ADPRM: variants seen among roughly 807,000 people sequenced by gnomAD.
The protein encoded by ADPRM is manganese-dependent ADP-ribose/CDP-alcohol diphosphatase.
ADPRM carries 17 observed loss-of-function variants against 27.2 expected under a neutral mutation model. That is an observed-to-expected ratio of 0.63 (90% confidence interval 0.43 to 0.94). ADPRM has a LOEUF of 0.94. Ranked by LOEUF, ADPRM falls within the 40% of genes least tolerant of loss-of-function variation. The pLI, the probability that ADPRM is intolerant of heterozygous loss-of-function variation, is 0.00. For synonymous variants in ADPRM, 135 were observed against 145.3 expected, an observed-to-expected ratio of 0.93 and a Z score of 0.51; for missense variants, 337 against 412.8, an observed-to-expected ratio of 0.82 and a Z score of 1.59.
intron 1 of ADPRM, among the ~76,000 whole-genome samples, chr17:10,699,523 T>C (rs867854949): frequency 1.1e-4 from 15 of 142,660 alleles, no homozygotes; most frequent in Non-Finnish European, 2.0e-4. Context: ...TCTTTCTTTT[T>C]TTTTTTTTTT....
In ADPRM at chr17:10,711,496, C is replaced by G. The variant is rs957551937; in HGVS notation, c.*352C>G. Among the ~76,000 whole-genome samples, 1 of 152,188 alleles carries G rather than the reference C, an allele frequency of 6.6e-6. No individual in the cohort carries two copies. Among genetic ancestry groups the G allele is most frequent in the African/African-American group, 2.4e-5 (1 of 41,430 alleles). On this transcript the variant is annotated 3_prime_UTR_variant, in exon 4 of 4. Coordinates refer to ENST00000379774, the MANE Select transcript of ADPRM (RefSeq NM_020233.5). ...TGTAACTTCAAGTTCAGCATATAAG[C>G]TCAGGTAAGCTTTTTCTATTCACCC...
Position 10,705,194 on chromosome 17 carries a change from C to A in ADPRM, c.268C>A (p.Leu90Ile). ...ACAGTATAATGCATCCAAAAAGTCC[C>A]TAGAACTTGTTATGGACATGTTCAA... ...NAQYNASKKS[L>I]ELVMDMFKRL... is the part of the protein sequence containing the mutation. The change falls in exon 2 of 4, where the codon CTA (leucine) becomes ATA (isoleucine). Residue 90 changes from leucine to isoleucine, a missense_variant. By Grantham distance (5) the Leu-to-Ile change is conservative. Coordinates refer to ENST00000379774, the MANE Select transcript of ADPRM (RefSeq NM_020233.5). This position sits in a 1 kb window ranked among gnomAD's most constrained non-coding sequence, Gnocchi z 5.4. 1 of 1,614,118 alleles carries A rather than the reference C, an allele frequency of 6.2e-7. No homozygotes were observed. The highest frequency in any genetic ancestry group is 8.5e-7 in the Non-Finnish European group (1 of 1,180,010).
intron 1 of ADPRM, among the ~76,000 whole-genome samples, chr17:10,701,128 G>A (rs2074774134): frequency 6.6e-6 from 1 of 152,014 alleles, no homozygotes; most frequent in African/African-American, 2.4e-5. Context: ...CATTTCAAAG[G>A]GTTCAGCACT....
intron 3 of ADPRM, among the ~76,000 whole-genome samples, chr17:10,706,975 C>T (rs2074816601): frequency 6.6e-6 from 1 of 152,106 alleles, no homozygotes; most frequent in Non-Finnish European, 1.5e-5. Context: ...AGTATAATAT[C>T]ACAAGCAGAA....
At chr17:10,700,740 C>T (rs1020487533) in intron 1 of ADPRM, among the ~76,000 whole-genome samples, 3 of 149,160 alleles carry the variant, frequency 2.0e-5, no homozygotes, top group Non-Finnish European at 3.0e-5. Context: ...CTCCAGCTTG[C>T]GCAGTAGAGC....
chr17:10,708,393 C>T (rs1482337685), intron 3 of ADPRM, among the ~76,000 whole-genome samples: 1 of 132,598 alleles, frequency 7.5e-6, no homozygotes, highest in Admixed American at 8.7e-5. Context: ...CACCCCACTG[C>T]ACTCCAGCCT....
chr17:10,705,292 A>C lies in ADPRM; in HGVS notation c.366A>C (p.Thr122=). 6.2e-7 allele frequency: 1 copy of C among 1,614,062 alleles called. No individual in the cohort carries two copies. The highest frequency in any genetic ancestry group is 1.3e-5 in the African/African-American group (1 of 75,068). The change falls in exon 2 of 4, where the codon ACA becomes ACC. Residue 122 remains threonine (T), a synonymous_variant. Coordinates refer to ENST00000379774, the MANE Select transcript of ADPRM (RefSeq NM_020233.5). The surrounding 1 kb of genome is among the most constrained non-coding windows in gnomAD (Gnocchi z 5.4). ...ATAACTTCAGTAGAGAGTATTTAAC[A>C]CACTCTAAACTTAACACTAAGTTTC... ...EFYNFSREYL[T]HSKLNTKFLE...
At chr17:10,701,450 C>T (rs1055526352) in intron 1 of ADPRM, among the ~76,000 whole-genome samples, 1 of 152,072 alleles carries the variant, frequency 6.6e-6, no homozygotes, top group Non-Finnish European at 1.5e-5. Context: ...CCTGCCTCAG[C>T]CTCCTGAGTA....
At chr17:10,703,286 C>G (rs964500361) in intron 1 of ADPRM, among the ~76,000 whole-genome samples, 6 of 152,122 alleles carry the variant, frequency 3.9e-5, no homozygotes, top group African/African-American at 1.4e-4. Context: ...CAGATTACCT[C>G]TCATTTATAC....
intron 3 of ADPRM, among the ~76,000 whole-genome samples, chr17:10,709,282 T>A (rs2074834930): frequency 6.6e-6 from 1 of 152,112 alleles, no homozygotes; most frequent in Non-Finnish European, 1.5e-5. Flanking sequence ...AGTGGAGATG[T>A]TGAGTGGGCA....
In ADPRM at chr17:10,705,484, A is replaced by T. The variant is rs1385112840; in HGVS notation, c.558A>T (p.Ile186=). The T allele has an allele frequency of 6.2e-7, 1 of 1,613,856 alleles. No homozygotes were observed. The highest frequency in any genetic ancestry group is 8.5e-7 in the Non-Finnish European group (1 of 1,180,004). The part of the protein sequence containing the change: ...SSPKYEQCMK[I]LREHNPNTEL... ...CAAAATACGAGCAGTGTATGAAGAT[A>T]TTGAGGGAGCACAATCCAAATACGG... Residue 186 remains isoleucine (I), a synonymous_variant, in exon 2 of 4, where the codon ATA becomes ATT. Transcript: ENST00000379774. This position sits in a 1 kb window ranked among gnomAD's most constrained non-coding sequence, Gnocchi z 5.4.
chr17:10,711,244 A>G lies in ADPRM; in HGVS notation c.*100A>G, dbSNP rs2074851499. On this transcript the variant is annotated 3_prime_UTR_variant, in exon 4 of 4. Transcript: ENST00000379774. ...TCTCATTGTTTAGTATTCAGCTTGC[A>G]TAACAAAATGTATTTATAGTTTCAG... 3.3e-6 allele frequency: 3 copies of G among 914,242 alleles called. No individual in the cohort carries two copies. The highest frequency in any genetic ancestry group is 2.8e-5 in the Admixed American group (1 of 35,376). 56.6% of individuals were successfully genotyped at this position (914,242 alleles called of 1,614,324 possible).
Position 10,705,309 on chromosome 17 carries a change from C to T in ADPRM, c.383C>T (p.Thr128Ile). Residue 128 changes from threonine (T) to isoleucine (I), a missense_variant, in exon 2 of 4, where the codon ACT becomes ATT. By Grantham distance (89) the Thr-to-Ile change is moderately conservative. Transcript: ENST00000379774. The surrounding 1 kb of genome is among the most constrained non-coding windows in gnomAD (Gnocchi z 5.4). ...REYLTHSKLN[T>I]KFLEDQIVHH... ...TATTTAACACACTCTAAACTTAACA[C>T]TAAGTTTCTAGAAGATCAGATTGTA... 4 of 1,613,732 alleles carry T rather than the reference C, an allele frequency of 2.5e-6. No homozygotes were observed. Among genetic ancestry groups the T allele is most frequent in the Non-Finnish European group, 2.5e-6 (3 of 1,179,788 alleles).
intron 1 of ADPRM, among the ~76,000 whole-genome samples, chr17:10,700,896 T>C (rs1239515922): frequency 2.0e-5 from 3 of 152,216 alleles, no homozygotes; most frequent in African/African-American, 7.2e-5. Flanking sequence ...TATTCTCTTC[T>C]ATTAAAATGT....
chr17:10,709,383 A>G (rs1311516212), intron 3 of ADPRM, among the ~76,000 whole-genome samples: 6 of 151,698 alleles, frequency 4.0e-5, no homozygotes, highest in Non-Finnish European at 7.4e-5. Context: ...CATTTAAGGC[A>G]TGTAAATCAC....
In ADPRM at chr17:10,698,546, C is replaced by CT. The variant is rs376107456; in HGVS notation, c.-18+887dup. 9.9e-5 allele frequency among the ~76,000 whole-genome samples: 15 copies of CT among 152,202 alleles called. 1 individual carries two copies. In the South Asian group the frequency reaches 2.3e-3, roughly 23 times the overall value. On this transcript the variant is annotated intron_variant, in intron 1 of 3. Transcript: ENST00000379774. ...AACTACAGATCCCGCTCCTGTGTGG[C>CT]TTTTTTTTCCCCCATGGGACCGACT...
At position 10,705,526 on chromosome 17, in the gene ADPRM, A is replaced by C; in HGVS notation, c.600A>C (p.Gln200His). The change falls in exon 2 of 4, where the codon CAA (glutamine) becomes CAC (histidine). Residue 200 changes from glutamine (Q) to histidine (H), a missense_variant and splice_region_variant. Gln to His is a conservative substitution (Grantham distance 24). Transcript: ENST00000379774. This position sits in a 1 kb window ranked among gnomAD's most constrained non-coding sequence, Gnocchi z 5.4. ...HNPNTELNSPQGLSEPQFVQF... is the reference protein window; with the variant it reads ...HNPNTELNSPHGLSEPQFVQF... ...CAAATACGGAACTGAATAGTCCTCA[A>C]GGTGAATTATTCCTTTGAGCTGAGA... The C allele has an allele frequency of 6.2e-7, 1 of 1,611,230 alleles. No homozygotes were observed. The highest frequency in any genetic ancestry group is 8.5e-7 in the Non-Finnish European group (1 of 1,178,336).
chr17:10,710,258 C>G (rs940028257), intron 3 of ADPRM, among the ~76,000 whole-genome samples: 2 of 152,160 alleles, frequency 1.3e-5, no homozygotes, highest in Non-Finnish European at 2.9e-5. Flanking sequence ...CATACCACCA[C>G]GCCTGGCTAA....
In ADPRM at chr17:10,697,678, C is replaced by T; in HGVS notation, c.-18+11C>T. 4.8e-6 allele frequency: 4 copies of T among 832,936 alleles called. No individual in the cohort carries two copies. The highest frequency in any genetic ancestry group is 5.8e-6 in the Non-Finnish European group (3 of 516,810). The allele number at this position is 832,936 out of a possible 1,614,324, so 51.6% of individuals were successfully genotyped here. On this transcript the variant is annotated intron_variant, in intron 1 of 3. Coordinates refer to ENST00000379774, the MANE Select transcript of ADPRM (RefSeq NM_020233.5). The stretch of plus-strand genomic sequence containing the variant: ...AGGGGCCGGCGCACGGTAGGTAGTT[C>T]CCTGCGGCTGGAGGCGGGTCTGGCG...
Sources: allele counts gnomAD v4.1 joint callset (sites outside exome capture counted in the v4.1 genomes callset), GRCh38; gene constraint gnomAD v4.1.1; non-coding constraint Gnocchi (gnomAD v3.1); transcripts MANE v1.5; gene names NCBI Gene and HGNC (gene_info 2026-07-23, HGNC 2026-07-21).